CSMD3: variants seen among roughly 807,000 people sequenced by gnomAD.
CSMD3 encodes the protein CUB and sushi domain-containing protein 3.
Under a neutral mutation model 435.2 loss-of-function variants are expected in CSMD3, and 177 were observed. The observed-to-expected ratio is 0.41, with a 90% CI of 0.36 to 0.46. The LOEUF (loss-of-function observed/expected upper bound fraction) is 0.46, where lower values mean the gene tolerates loss of function less well. CSMD3 is among the 20% of genes least tolerant of loss of function. CSMD3 has a pLI of 0.34. For missense variants in CSMD3, 4,265 were observed against 4,504.6 expected, an observed-to-expected ratio of 0.95 and a Z score of 1.52; for synonymous variants, 1,656 against 1,520.5, an observed-to-expected ratio of 1.09 and a Z score of -2.07.
chr8:112,297,907 G>T (rs1820475535), intron 53 of CSMD3, among the ~76,000 whole-genome samples: 1 of 151,610 alleles, frequency 6.6e-6, no homozygotes, highest in Non-Finnish European at 1.5e-5. Flanking sequence ...GATCTTTTGA[G>T]GCCACAATTT....
intron 5 of CSMD3, among the ~76,000 whole-genome samples, chr8:113,055,726 A>G (rs780635033): frequency 3.9e-5 from 6 of 152,212 alleles, no homozygotes; most frequent in Non-Finnish European, 2.9e-5. Flanking sequence ...GTTATAAAGG[A>G]AGATTGGTTG....
At chr8:113,137,417 T>A (rs538970298) in intron 4 of CSMD3, among the ~76,000 whole-genome samples, 313 of 151,828 alleles carry the variant, frequency 2.1e-3, no homozygotes, top group East Asian at 0.012. Flanking sequence ...GTATTTTAAT[T>A]TGTCTTGTTT....
chr8:112,632,923 G>A (rs1219027707), intron 22 of CSMD3, among the ~76,000 whole-genome samples: 2 of 151,748 alleles, frequency 1.3e-5, no homozygotes, highest in Admixed American at 1.3e-4. Context: ...GGCTCTCCAG[G>A]AAAATCATTC....
intron 5 of CSMD3, among the ~76,000 whole-genome samples, chr8:113,049,942 A>G (rs543764570): frequency 2.0e-5 from 3 of 152,264 alleles, no homozygotes; most frequent in African/African-American, 7.2e-5. Flanking sequence ...ACATTACAGC[A>G]CATCTCATCA....
At chr8:113,283,040 G>A (rs991525878) in intron 2 of CSMD3, among the ~76,000 whole-genome samples, 6 of 152,030 alleles carry the variant, frequency 3.9e-5, no homozygotes, top group Admixed American at 2.0e-4. Context: ...ATATGTAGAA[G>A]AATGAAACTG....
intron 38 of CSMD3, among the ~76,000 whole-genome samples, chr8:112,374,479 G>A (rs998295831): frequency 2.0e-5 from 3 of 152,240 alleles, no homozygotes; most frequent in Admixed American, 2.0e-4. Flanking sequence ...GTGTAGTCAA[G>A]TGTACCATTT....
chr8:112,965,653 C>A (rs979843309), intron 7 of CSMD3, among the ~76,000 whole-genome samples: 1 of 151,848 alleles, frequency 6.6e-6, no homozygotes, highest in Non-Finnish European at 1.5e-5. Context: ...AATAAATTTT[C>A]ATTGTTTAAT....
chr8:112,947,878 C>A lies in CSMD3; in HGVS notation c.1421-1G>T. ...GCTGTTTTAATACCTCCCTCATTTA[C>A]TGCAACAGCAGGGAAAAAAGAAAAA... is the stretch of plus-strand genomic sequence containing the variant. On this transcript the variant is annotated splice_acceptor_variant, in intron 8 of 70. Coordinates refer to ENST00000297405, the MANE Select transcript of CSMD3 (RefSeq NM_198123.2). LOFTEE classifies it high-confidence loss of function. 1 of 1,377,994 alleles carries A rather than the reference C, an allele frequency of 7.3e-7. No homozygotes were observed. 85.4% of individuals were successfully genotyped at this position (1,377,994 alleles called of 1,614,324 possible).
At chr8:113,312,418 T>A (rs2093876628) in intron 2 of CSMD3, 1 of 152,076 alleles carries the variant, frequency 6.6e-6, no homozygotes, top group South Asian at 2.1e-4. Flanking sequence ...CCCCATAAAA[T>A]CTCTGTGAAT....
intron 22 of CSMD3, among the ~76,000 whole-genome samples, chr8:112,608,460 G>A (rs1219971564): frequency 6.6e-6 from 1 of 151,934 alleles, no homozygotes; most frequent in Admixed American, 6.6e-5. Flanking sequence ...TTCATATAAA[G>A]CCATATAGCT....
At chr8:112,242,393 T>C (rs773955063) in intron 65 of CSMD3, among the ~76,000 whole-genome samples, 3 of 152,054 alleles carry the variant, frequency 2.0e-5, no homozygotes, top group Non-Finnish European at 2.9e-5. Context: ...CTTAAAAGAC[T>C]GTAAAGGGAT....
At chr8:112,984,343 A>C (rs2130981755) in intron 6 of CSMD3, among the ~76,000 whole-genome samples, 1 of 152,246 alleles carries the variant, frequency 6.6e-6, no homozygotes, top group Non-Finnish European at 1.5e-5. Flanking sequence ...AACAAAGGTA[A>C]GAACACCAAG....
intron 67 of CSMD3, among the ~76,000 whole-genome samples, chr8:112,234,819 C>A (rs983130970): frequency 2.0e-5 from 3 of 152,126 alleles, no homozygotes; most frequent in African/African-American, 7.2e-5. Context: ...TTCAAGCATA[C>A]AAATCCAGTG....
At chr8:112,342,446 T>C (rs1825214620) in intron 41 of CSMD3, among the ~76,000 whole-genome samples, 1 of 152,144 alleles carries the variant, frequency 6.6e-6, no homozygotes, top group Non-Finnish European at 1.5e-5. Context: ...CTCTAAATTA[T>C]TTGTAATAAA....
intron 38 of CSMD3, among the ~76,000 whole-genome samples, chr8:112,360,618 C>T (rs1477117902): frequency 1.3e-4 from 19 of 151,644 alleles, no homozygotes; most frequent in Admixed American, 1.1e-3. Flanking sequence ...CTTGTATTTT[C>T]CTGCATCTCC....
chr8:113,322,974 G>A (rs2093959228), intron 1 of CSMD3, among the ~76,000 whole-genome samples: 1 of 152,056 alleles, frequency 6.6e-6, no homozygotes, highest in Non-Finnish European at 1.5e-5. Context: ...TCAAACTCCT[G>A]ACCTCAAGTG....
intron 23 of CSMD3, among the ~76,000 whole-genome samples, chr8:112,578,699 C>A (rs1430719714): frequency 6.6e-6 from 1 of 151,998 alleles, no homozygotes; most frequent in East Asian, 1.9e-4. Context: ...CAAACTTTTT[C>A]TAAGAAGGGT....
intron 1 of CSMD3, among the ~76,000 whole-genome samples, chr8:113,324,985 A>G (rs759129994): frequency 9.9e-5 from 15 of 152,238 alleles, no homozygotes; most frequent in Non-Finnish European, 2.2e-4. Context: ...TGGGGCCTGC[A>G]GCCCCTTTGC....
chr8:113,045,075 T>C (rs939152090), intron 5 of CSMD3, among the ~76,000 whole-genome samples: 4 of 149,092 alleles, frequency 2.7e-5, no homozygotes, highest in African/African-American at 7.3e-5. Context: ...AAAAATCCCA[T>C]AAATATTTGT....
Sources: allele counts gnomAD v4.1 joint callset (sites outside exome capture counted in the v4.1 genomes callset), GRCh38; gene constraint gnomAD v4.1.1; transcripts MANE v1.5; gene names NCBI Gene and HGNC (gene_info 2026-07-23, HGNC 2026-07-21).